SYNGR1: variants seen among roughly 807,000 people sequenced by gnomAD.
SYNGR1 encodes the protein synaptogyrin 1.
In SYNGR1, 14 loss-of-function variants were observed where a neutral mutation model predicts 26.1. The observed-to-expected ratio is 0.54, with a 90% CI of 0.35 to 0.84. The LOEUF (loss-of-function observed/expected upper bound fraction) is 0.84, where lower values mean the gene tolerates loss of function less well. SYNGR1 is among the 40% of genes least tolerant of loss of function. SYNGR1 has a pLI of 0.01. For synonymous variants in SYNGR1, 141 were observed against 150.1 expected, an observed-to-expected ratio of 0.94 and a Z score of 0.44; for missense variants, 319 against 332.9, an observed-to-expected ratio of 0.96 and a Z score of 0.33.
chr22:39,377,245 C>T (rs1569183061), intron 3 of SYNGR1: 14 of 985,398 alleles, frequency 1.4e-5, no homozygotes, highest in Middle Eastern at 1.0e-3. Flanking sequence ...TTGAGGGGTA[C>T]ACCCATCTCC....
intron 1 of SYNGR1, among the ~76,000 whole-genome samples, chr22:39,354,551 T>G (rs1924061653): frequency 6.6e-6 from 1 of 152,012 alleles, no homozygotes; most frequent in African/African-American, 2.4e-5. Context: ...ATAAAAAAGC[T>G]GAACTTGGCC....
intron 1 of SYNGR1, among the ~76,000 whole-genome samples, chr22:39,365,577 A>G (rs1444819510): frequency 6.6e-6 from 1 of 152,168 alleles, no homozygotes; most frequent in Non-Finnish European, 1.5e-5. Flanking sequence ...GCTCCCACTC[A>G]GGGTGGGGTA....
intron 1 of SYNGR1, among the ~76,000 whole-genome samples, chr22:39,370,484 C>T (rs1187807613): frequency 6.6e-6 from 1 of 152,020 alleles, no homozygotes; most frequent in Non-Finnish European, 1.5e-5. Context: ...CAATGTTGCC[C>T]ACGCTGGTTG....
chr22:39,377,845 C>A (rs1925357968), intron 3 of SYNGR1: 3 of 1,510,028 alleles, frequency 2.0e-6, no homozygotes, highest in Admixed American at 4.0e-5. Context: ...CTGACTCATT[C>A]ATTCCTTCAC....
Sources: gnomAD v4.1 joint callset for allele counts (sites outside exome capture counted in the v4.1 genomes callset) on GRCh38, gnomAD v4.1.1 for gene constraint, MANE v1.5 for transcripts, NCBI Gene and HGNC (gene_info 2026-07-23, HGNC 2026-07-21) for gene names.